Variants in KDM5B observed in about 807,000 individuals in gnomAD.
The protein encoded by KDM5B is lysine demethylase 5B, also known as lysine-specific demethylase 5B.
A neutral mutation model predicts 193.4 loss-of-function variants in KDM5B; 144 were observed. The observed-to-expected ratio is 0.74, with a 90% CI of 0.65 to 0.86. The LOEUF is 0.86. KDM5B is among the 40% of genes least tolerant of loss of function. KDM5B has a pLI of 0.00. For missense variants in KDM5B, 1,833 were observed against 1,886.9 expected (o/e 0.97, Z 0.53); for synonymous variants, 668 against 682.6 (o/e 0.98, Z 0.33).
rs767571296 is a variant in KDM5B at position 202,808,208 on chromosome 1, G to A, written c.98C>T (p.Pro33Leu). Residue 33 changes from proline to leucine, a missense_variant, in exon 1 of 27, where the codon CCG (proline) becomes CTG (leucine). Pro to Leu is a moderately conservative substitution (Grantham distance 98). This residue lies in a region of KDM5B where 355 missense variants were observed against 374.9 expected (regional missense o/e 0.95). Coordinates refer to ENST00000367265, the MANE Select transcript of KDM5B (RefSeq NM_006618.5). The part of the protein sequence containing the change: ...LGEFLPPPEC[P>L]VFEPSWEEFA... The stretch of plus-strand genomic sequence containing the variant: ...CTCTTCCCAGCTGGGTTCGAAGACC[G>A]GGCACTCGGGTGGAGGCAGGAACTC... 1.9e-6 allele frequency: 3 copies of A among 1,612,838 alleles called. No homozygotes were observed. Among genetic ancestry groups the A allele is most frequent in the Admixed American group, 1.7e-5 (1 of 60,010 alleles).
intron 7 of KDM5B, among the ~76,000 whole-genome samples, chr1:202,761,866 G>A (rs919981725): frequency 6.6e-6 from 1 of 151,914 alleles, no homozygotes; most frequent in Admixed American, 6.6e-5. Flanking sequence ...CTCAATACTA[G>A]AAAGCTGAGA....
intron 1 of KDM5B, among the ~76,000 whole-genome samples, chr1:202,799,717 C>T (rs1558521539): frequency 6.6e-6 from 1 of 151,482 alleles, no homozygotes; most frequent in Admixed American, 6.6e-5. Context: ...AATATACATA[C>T]ACACAGTCCC....
chr1:202,750,715 C>T lies in KDM5B; in HGVS notation c.1765G>A (p.Gly589Ser), dbSNP rs770875469. The change falls in exon 13 of 27, where the codon GGT (glycine) becomes AGT (serine). Residue 589 changes from glycine (G) to serine (S), a missense_variant. This residue lies in a region of KDM5B where 1,379 missense variants were observed against 1,349.6 expected (regional missense o/e 1.02). Transcript: ENST00000367265. ...GCAAAATTAAAACCCTGGTTAAAACCACTGTGGTAGGCTCTTGGAAATGTA... is the reference window on the plus strand; with the variant it reads ...GCAAAATTAAAACCCTGGTTAAAACTACTGTGGTAGGCTCTTGGAAATGTA... ...VITFPRAYHS[G>S]FNQGFNFAEA... 1 of 1,613,834 alleles carries T rather than the reference C, an allele frequency of 6.2e-7. No individual in the cohort carries two copies. Among genetic ancestry groups the T allele is most frequent in the Non-Finnish European group, 8.5e-7 (1 of 1,179,832 alleles).
At chr1:202,799,930 G>C (rs1038700190) in intron 1 of KDM5B, among the ~76,000 whole-genome samples, 2 of 152,172 alleles carry the variant, frequency 1.3e-5, no homozygotes, top group African/African-American at 4.8e-5. Flanking sequence ...GACATTAATA[G>C]AAAATATTTT....
intron 1 of KDM5B, among the ~76,000 whole-genome samples, chr1:202,800,333 C>T (rs1377560870): frequency 6.6e-6 from 1 of 150,594 alleles, no homozygotes; most frequent in African/African-American, 2.4e-5. Flanking sequence ...TGAGCCACCG[C>T]ACCCAGCCAT....
chr1:202,773,005 G>A (rs1656783726), intron 4 of KDM5B, 113 bp downstream of exon 4: 7 of 784,276 alleles, frequency 8.9e-6, no homozygotes, highest in Admixed American at 5.5e-5. Context: ...CCAAAATAAG[G>A]TCTTCTAAAA....
intron 1 of KDM5B, among the ~76,000 whole-genome samples, chr1:202,784,969 G>C (rs1001151258): frequency 2.7e-5 from 4 of 145,910 alleles, no homozygotes; most frequent in Non-Finnish European, 5.9e-5. Context: ...GGGAGGCAAA[G>C]ACTGCACTCC....
intron 1 of KDM5B, chr1:202,807,027 T>C (rs1290611521): frequency 6.6e-6 from 1 of 152,298 alleles, no homozygotes; most frequent in African/African-American, 2.4e-5. Flanking sequence ...TCAGCGAACG[T>C]TGGAGCCGTT....
At chr1:202,767,548 T>A in intron 4 of KDM5B, 3 of 619,264 alleles carry the variant, frequency 4.8e-6, no homozygotes, top group East Asian at 2.7e-5. Flanking sequence ...CCCTCCTTTT[T>A]TAATCTTAGA....
At position 202,773,136 on chromosome 1, in the gene KDM5B, C is replaced by A. The variant is rs1656790756; in HGVS notation, c.558G>T (p.Leu186=). The part of the protein sequence containing the change: ...ERILNPYNLF[L]SGDSLRCLQK... ...AACTTACCCTTAGGCTGTCTCCGGA[C>A]AGGAATAAGTTGTAGGGGTTGAGAA... Residue 186 remains leucine, a synonymous_variant, in exon 4 of 27, where the codon CTG becomes CTT. Transcript: ENST00000367265. 1 of 1,612,680 alleles carries A rather than the reference C, an allele frequency of 6.2e-7. No homozygotes were observed. Among genetic ancestry groups the A allele is most frequent in the Admixed American group, 1.7e-5 (1 of 59,932 alleles).
In KDM5B at chr1:202,758,388, T is replaced by C; in HGVS notation, c.1197+3A>G. On this transcript the variant is annotated splice_donor_region_variant and intron_variant, in intron 9 of 26. Coordinates refer to ENST00000367265, the MANE Select transcript of KDM5B (RefSeq NM_006618.5). ...TAAATCAAAGCAGTATATATGTACA[T>C]ACATGGACTGGCATGTTGAAGTAAT... 2 of 1,609,586 alleles carry C rather than the reference T, an allele frequency of 1.2e-6. No individual in the cohort carries two copies. Among genetic ancestry groups the C allele is most frequent in the Non-Finnish European group, 1.7e-6 (2 of 1,176,836 alleles).
At chr1:202,758,571 T>C (rs1017840893) in intron 8 of KDM5B, 61 bp from the exon 9 acceptor site, 1 of 1,380,280 alleles carries the variant, frequency 7.2e-7, no homozygotes, top group African/African-American at 1.4e-5. Context: ...ACTTGGTCAA[T>C]CATCAAGCTG....
Position 202,741,740 on chromosome 1 carries a change from G to C in KDM5B, c.2590-18C>G, listed in dbSNP as rs1655350565. The C allele has an allele frequency of 2.1e-6, 3 of 1,452,386 alleles. No individual in the cohort carries two copies. Among genetic ancestry groups the C allele is most frequent in the Non-Finnish European group, 2.9e-6 (3 of 1,051,180 alleles). 90.0% of individuals were successfully genotyped at this position (1,452,386 alleles called of 1,614,324 possible). A position where few individuals can be genotyped will look rare whatever the true frequency, so the allele number is the denominator to read the frequency against. On this transcript the variant is annotated intron_variant, in intron 18 of 26. Coordinates refer to ENST00000367265, the MANE Select transcript of KDM5B (RefSeq NM_006618.5). ...AAGAGATCCTAAAAAAAAATACACAGGTTGTTGCATTAAAACAGTAATTTC... is the reference window on the plus strand; with the variant it reads ...AAGAGATCCTAAAAAAAAATACACACGTTGTTGCATTAAAACAGTAATTTC...
Position 202,729,659 on chromosome 1 carries a change from TTC to T in KDM5B, c.4497+46_4497+47del, listed in dbSNP as rs763516740. The T allele has an allele frequency of 2.6e-6, 4 of 1,529,212 alleles. No individual in the cohort carries two copies. The South Asian group carries it at 4.9e-5, about 19-fold the overall frequency. 94.7% of individuals were successfully genotyped at this position (1,529,212 alleles called of 1,614,324 possible). A position where few individuals can be genotyped will look rare whatever the true frequency, so the allele number is the denominator to read the frequency against. On this transcript the variant is annotated intron_variant, in intron 26 of 26. Coordinates refer to ENST00000367265, the MANE Select transcript of KDM5B (RefSeq NM_006618.5). ...CGAGATGAGGTCTAGCTTACAGGGTTTCTGAGTTAAGGGAAAGCACGTCCTCT... is the reference window on the plus strand; with the variant it reads ...CGAGATGAGGTCTAGCTTACAGGGTTTGAGTTAAGGGAAAGCACGTCCTCT...
Position 202,735,584 on chromosome 1 carries a change from G to A in KDM5B, c.3268C>T (p.Leu1090=). The change falls in exon 22 of 27, where the codon CTG becomes TTG. Residue 1090 remains leucine, a synonymous_variant. Transcript: ENST00000367265. ...AGGCCAATATCACATCGAGGACACA[G>A]CACCTAATGTGGGACAAGGCACAAC... is the stretch of plus-strand genomic sequence containing the variant. ...ENSPYSLLEV[L]CPRCDIGLLG... is the part of the protein sequence containing the mutation. The A allele has an allele frequency of 6.2e-7, 1 of 1,613,428 alleles. No individual in the cohort carries two copies.
intron 14 of KDM5B, chr1:202,746,528 T>C: frequency 2.1e-6 from 1 of 467,242 alleles, no homozygotes; most frequent in East Asian, 3.2e-5. Flanking sequence ...ATCTCCTTTT[T>C]CAGACAAGGC....
intron 5 of KDM5B, among the ~76,000 whole-genome samples, chr1:202,764,838 G>C (rs1431343090): frequency 6.6e-6 from 1 of 151,534 alleles, no homozygotes; most frequent in Non-Finnish European, 1.5e-5. Flanking sequence ...AAATTAGCCA[G>C]GTGTTGTGCA....
At chr1:202,775,573 T>G (rs1221382507) in intron 2 of KDM5B, among the ~76,000 whole-genome samples, 1 of 149,074 alleles carries the variant, frequency 6.7e-6, no homozygotes, top group Non-Finnish European at 1.5e-5. Flanking sequence ...TAATTATACA[T>G]GGTCGGGTGT....
chr1:202,734,073 G>A (rs890692004), intron 22 of KDM5B, among the ~76,000 whole-genome samples, 187 bp from the exon 23 acceptor site: 5 of 152,134 alleles, frequency 3.3e-5, no homozygotes, highest in Non-Finnish European at 7.4e-5. Context: ...TTCTGCATGT[G>A]TAAAATGGAG....
Sources: allele counts gnomAD v4.1 joint callset (sites outside exome capture counted in the v4.1 genomes callset), GRCh38; gene constraint gnomAD v4.1.1; regional missense constraint gnomAD v4.1.1; transcripts MANE v1.5; gene names NCBI Gene and HGNC (gene_info 2026-07-23, HGNC 2026-07-21).